XRRA1: variants seen among roughly 807,000 people sequenced by gnomAD.
XRRA1 encodes the protein X-ray radiation resistance associated 1.
In XRRA1, 69 loss-of-function variants were observed where a neutral mutation model predicts 80.2. That is an observed-to-expected ratio of 0.86 (90% confidence interval 0.71 to 1.05). XRRA1 has a LOEUF of 1.05. Among genes scored for constraint, XRRA1 ranks in the 50% least tolerant of loss-of-function variants. XRRA1 has a pLI of 0.00. For synonymous variants in XRRA1, 348 were observed against 389.9 expected (o/e 0.89, Z 1.27); for missense variants, 967 against 976.4 (o/e 0.99, Z 0.13).
At position 74,843,116 on chromosome 11, in the gene XRRA1, C is replaced by T. The variant is rs753624245; in HGVS notation, c.*84G>A. Reference sequence around the variant, plus strand: ...CTGAGGCCTGTGGCCGGCTGGTCAACCTTGAGGTGCGGTCCAGGGCACAGA... The same window carrying T: ...CTGAGGCCTGTGGCCGGCTGGTCAATCTTGAGGTGCGGTCCAGGGCACAGA... On this transcript the variant is annotated 3_prime_UTR_variant, in exon 19 of 19. Coordinates refer to ENST00000684022, the MANE Select transcript of XRRA1 (RefSeq NM_001378157.1). The T allele has an allele frequency of 3.7e-5, 54 of 1,464,974 alleles. No individual in the cohort carries two copies. Among genetic ancestry groups the T allele is most frequent in the Non-Finnish European group, 4.7e-5 (52 of 1,104,532 alleles). 90.7% of individuals were successfully genotyped at this position (1,464,974 alleles called of 1,614,324 possible). A position where few individuals can be genotyped will look rare whatever the true frequency, so the allele number is the denominator to read the frequency against.
chr11:74,878,783 G>A (rs1291661639), intron 10 of XRRA1, among the ~76,000 whole-genome samples: 3 of 151,356 alleles, frequency 2.0e-5, no homozygotes, highest in Admixed American at 6.6e-5. Flanking sequence ...TAGATATGCG[G>A]CATTATTTCT....
Position 74,907,277 on chromosome 11 carries a change from TG to T in XRRA1, c.657-5del, listed in dbSNP as rs2054822891. ...CAGCGATGTTACAGATGCCTCCCTG[TG>T]AGTGCAAAGATCTTGGGTAATGAGC... On this transcript the variant is annotated splice_polypyrimidine_tract_variant and splice_region_variant and intron_variant, in intron 8 of 18. Transcript: ENST00000684022. The T allele has an allele frequency of 6.2e-7, 1 of 1,613,672 alleles. No individual in the cohort carries two copies.
chr11:74,851,277 A>C, intron 13 of XRRA1, 74 bp from the exon 14 acceptor site: 1 of 1,139,072 alleles, frequency 8.8e-7, no homozygotes, highest in Non-Finnish European at 1.2e-6. Context: ...GCCAGGCACT[A>C]TTCAAATTGC....
At chr11:74,850,078 G>C (rs891279525) in intron 14 of XRRA1, among the ~76,000 whole-genome samples, 8 of 152,202 alleles carry the variant, frequency 5.3e-5, no homozygotes, top group African/African-American at 1.7e-4. Context: ...ACTGGCATCT[G>C]TGTTTATTTA....
chr11:74,889,853 A>G (rs2050167309), intron 10 of XRRA1, among the ~76,000 whole-genome samples: 1 of 152,232 alleles, frequency 6.6e-6, no homozygotes, highest in Non-Finnish European at 1.5e-5. Flanking sequence ...AGAGCTAACT[A>G]TCCTAAATAT....
At chr11:74,855,433 G>A (rs1289504041) in intron 12 of XRRA1, among the ~76,000 whole-genome samples, 1 of 152,224 alleles carries the variant, frequency 6.6e-6, no homozygotes, top group African/African-American at 2.4e-5. Context: ...GGTCATGTGT[G>A]TGGTATTTTC....
At chr11:74,887,534 G>C (rs1029491991) in intron 10 of XRRA1, among the ~76,000 whole-genome samples, 1 of 152,230 alleles carries the variant, frequency 6.6e-6, no homozygotes, top group African/African-American at 2.4e-5. Flanking sequence ...TTCCAACTGA[G>C]GTACGGGGTT....
intron 2 of XRRA1, 57 bp from the exon 3 acceptor site, chr11:74,940,939 A>G: frequency 7.4e-7 from 1 of 1,345,048 alleles, no homozygotes; most frequent in Non-Finnish European, 1.0e-6. Context: ...ACAGCAGAGC[A>G]CTCTTACTCC....
intron 10 of XRRA1, among the ~76,000 whole-genome samples, chr11:74,905,402 G>A (rs1261633428): frequency 6.6e-6 from 1 of 152,062 alleles, no homozygotes; most frequent in Non-Finnish European, 1.5e-5. Flanking sequence ...TCTTTATTCT[G>A]CTTTAGAATG....
chr11:74,860,107 A>C (rs762319533), intron 11 of XRRA1, among the ~76,000 whole-genome samples: 1 of 152,208 alleles, frequency 6.6e-6, no homozygotes, highest in Non-Finnish European at 1.5e-5. Flanking sequence ...TGAGCAAGTC[A>C]CTTAAATTTT....
chr11:74,929,036 C>T (rs1018768392), intron 6 of XRRA1, among the ~76,000 whole-genome samples: 3 of 152,154 alleles, frequency 2.0e-5, no homozygotes, highest in African/African-American at 7.2e-5. Context: ...ACCTATTGGC[C>T]TTTGTATTTC....
chr11:74,912,487 G>T (rs946260989), intron 8 of XRRA1, among the ~76,000 whole-genome samples: 1 of 152,228 alleles, frequency 6.6e-6, no homozygotes, highest in Non-Finnish European at 1.5e-5. Context: ...TCCAAGGCAT[G>T]CCACAGAATA....
intron 1 of XRRA1, among the ~76,000 whole-genome samples, chr11:74,947,347 G>A (rs979446948): frequency 3.9e-5 from 6 of 151,998 alleles, no homozygotes; most frequent in African/African-American, 9.7e-5. Context: ...CCAACACGGC[G>A]AAATCCTGTC....
intron 9 of XRRA1, chr11:74,906,690 T>A (rs762287859): frequency 2.0e-4 from 114 of 569,020 alleles, no homozygotes; most frequent in Admixed American, 4.8e-4. Flanking sequence ...AATATGTAAA[T>A]GGCCTGGCAC....
rs767660520 is a variant in XRRA1, at chr11:74,848,426, G to A, written c.1417C>T (p.Leu473=). ...SEIPKVPKQP[L]VLHHPRMTTT... is the part of the protein sequence containing the mutation. ...GTCATGCGCGGGTGATGGAGCACCA[G>A]AGGCTGCTTCGGCACCTTTGGGATT... Residue 473 remains leucine, a synonymous_variant, in exon 15 of 19, where the codon CTG becomes TTG. Transcript: ENST00000684022. The A allele has an allele frequency of 3.7e-6, 6 of 1,612,800 alleles. No homozygotes were observed. Among genetic ancestry groups the A allele is most frequent in the Non-Finnish European group, 5.1e-6 (6 of 1,178,918 alleles).
At chr11:74,906,201 A>G (rs1289836734) in intron 10 of XRRA1, 38 bp downstream of exon 10, 4 of 1,581,862 alleles carry the variant, frequency 2.5e-6, no homozygotes, top group East Asian at 2.2e-5. Flanking sequence ...TATTTCCACC[A>G]TGAGGGTAGA....
At chr11:74,890,269 A>G (rs1042207727) in intron 10 of XRRA1, among the ~76,000 whole-genome samples, 13 of 152,222 alleles carry the variant, frequency 8.5e-5, no homozygotes, top group Non-Finnish European at 1.6e-4. Flanking sequence ...GCTCAACTAC[A>G]TGGAAACTGA....
intron 15 of XRRA1, among the ~76,000 whole-genome samples, chr11:74,847,706 C>T (rs1227219000): frequency 6.6e-6 from 1 of 152,146 alleles, no homozygotes; most frequent in Non-Finnish European, 1.5e-5. Context: ...GTCTATGTTC[C>T]CCATTATACT....
chr11:74,845,250 C>G lies in XRRA1; in HGVS notation c.1750G>C (p.Val584Leu). ...LTQVSELPSS[V>L]IHKDDLELKE... The stretch of plus-strand genomic sequence containing the variant: ...AACTCTAAATCATCCTTATGGATGA[C>G]GGAGGAAGGCAGTTCACTCACCTGT... The change falls in exon 16 of 19, where the codon GTC (valine) becomes CTC (leucine). Residue 584 changes from valine to leucine, a missense_variant. Physicochemically the swap from Val to Leu is conservative, Grantham distance 32. Transcript: ENST00000684022. 6.2e-7 allele frequency: 1 copy of G among 1,613,296 alleles called. No individual in the cohort carries two copies. The highest frequency in any genetic ancestry group is 1.3e-5 in the African/African-American group (1 of 75,022).
Sources: gnomAD v4.1 joint callset for allele counts (sites outside exome capture counted in the v4.1 genomes callset) on GRCh38, gnomAD v4.1.1 for gene constraint, MANE v1.5 for transcripts, NCBI Gene and HGNC (gene_info 2026-07-23, HGNC 2026-07-21) for gene names.